The following ELOVL7 variants were observed in gnomAD, a reference collection of about 807,000 sequenced individuals.
ELOVL7 encodes the protein very long chain fatty acid elongase 7.
In ELOVL7, 27 loss-of-function variants were observed where a neutral mutation model predicts 35.7. That is an observed-to-expected ratio of 0.76 (90% CI 0.56 to 1.04). The LOEUF (loss-of-function observed/expected upper bound fraction) is 1.04, where lower values mean the gene tolerates loss of function less well. Among genes scored for constraint, ELOVL7 ranks in the 50% least tolerant of loss-of-function variants. ELOVL7 has a pLI of 0.00. For synonymous variants in ELOVL7, 113 were observed against 114.6 expected (o/e 0.99, Z 0.09); for missense variants, 327 against 340.8 (o/e 0.96, Z 0.32).
At chr5:60,807,563 T>C (rs1391394894) in intron 1 of ELOVL7, among the ~76,000 whole-genome samples, 1 of 144,488 alleles carries the variant, frequency 6.9e-6, no homozygotes, top group African/African-American at 2.6e-5. Flanking sequence ...ACTTTACAAA[T>C]AAACTGTGGG....
In ELOVL7 at chr5:60,819,416, C is replaced by T. The variant is rs527369072; in HGVS notation, c.-85-20186G>A. ...TATCTCGGTTCCCATTCCCATCTGA[C>T]ACTGGGCAAATTCAGTCTCCTTTTG... On this transcript the variant is annotated intron_variant, in intron 1 of 8. Transcript: ENST00000508821. Among the ~76,000 whole-genome samples the T allele has an allele frequency of 2.0e-5, 3 of 152,090 alleles. No individual in the cohort carries two copies. The South Asian group carries it at 6.2e-4, about 32-fold the overall frequency.
In ELOVL7 at chr5:60,842,516, GCAGGGGGA is replaced by G. The variant is rs145591786; in HGVS notation, c.-86+1636_-86+1643del. On this transcript the variant is annotated intron_variant, in intron 1 of 8. Transcript: ENST00000508821. ...TTTCTTAAAAAAAAAAAAAGCGGGG[GCAGGGGGA>G]GGGTGTGGGGATCCTAAACTAGTAT... is the stretch of plus-strand genomic sequence containing the variant. Among the ~76,000 whole-genome samples the G allele has an allele frequency of 5.7e-3, 860 of 151,584 alleles. 20 individuals carry two copies. The South Asian group carries it at 0.074, about 13-fold the overall frequency.
Position 60,754,680 on chromosome 5 carries a change from C to T in ELOVL7, c.790G>A (p.Gly264Ser). 6.2e-7 allele frequency: 1 copy of T among 1,614,042 alleles called. No individual in the cohort carries two copies. Among genetic ancestry groups the T allele is most frequent in the South Asian group, 1.1e-5 (1 of 91,074 alleles). The stretch of plus-strand genomic sequence containing the variant: ...TTCACAGTTTTGGGCAACCTCTGAC[C>T]TTTGGTGTAAGCACGGTACCAAAAA... ...LHFWYRAYTK[G>S]QRLPKTVKNG... Residue 264 changes from glycine (G) to serine (S), a missense_variant, in exon 9 of 9, where the codon GGT becomes AGT. Gly to Ser is a moderately conservative substitution (Grantham distance 56, BLOSUM62 0). Transcript: ENST00000508821.
At chr5:60,757,427 T>C in intron 8 of ELOVL7, 82 bp downstream of exon 8, 1 of 1,403,382 alleles carries the variant, frequency 7.1e-7, no homozygotes, top group South Asian at 1.4e-5. Flanking sequence ...TTCTTCTTTA[T>C]TTAACCAGTA....
chr5:60,790,073 G>T (rs1474555637), intron 2 of ELOVL7, among the ~76,000 whole-genome samples: 2 of 152,030 alleles, frequency 1.3e-5, no homozygotes, highest in Non-Finnish European at 2.9e-5. Context: ...GGAGGCAGAG[G>T]TTGCAGTGAG....
rs542545367 is a variant in ELOVL7, at chr5:60,804,619, G to A, written c.-85-5389C>T. Reference sequence around the variant, plus strand: ...AGAAGTGATAAGTACCCCAAAGGCAGTTTAATTCTTGTTTGTAATTTAAGT... The same window carrying A: ...AGAAGTGATAAGTACCCCAAAGGCAATTTAATTCTTGTTTGTAATTTAAGT... On this transcript the variant is annotated intron_variant, in intron 1 of 8. Coordinates refer to ENST00000508821, the MANE Select transcript of ELOVL7 (RefSeq NM_024930.3). Among the ~76,000 whole-genome samples the A allele has an allele frequency of 2.6e-5, 4 of 152,324 alleles. No individual in the cohort carries two copies. The East Asian group carries it at 7.7e-4, about 29-fold the overall frequency.
At chr5:60,791,073 C>T (rs12519587) in intron 2 of ELOVL7, among the ~76,000 whole-genome samples, 54,477 of 151,980 alleles carry the variant, frequency 0.36, 12,006 homozygotes, top group East Asian at 0.85. Flanking sequence ...ACTGCCCAGG[C>T]TCAAGTGATC....
chr5:60,790,571 T>G (rs542303075), intron 2 of ELOVL7, among the ~76,000 whole-genome samples: 2 of 152,344 alleles, frequency 1.3e-5, no homozygotes, highest in South Asian at 4.1e-4. Context: ...TCTTCTCAGC[T>G]GAGTTCAGAC....
At chr5:60,809,517 A>G (rs1435935760) in intron 1 of ELOVL7, among the ~76,000 whole-genome samples, 1 of 152,260 alleles carries the variant, frequency 6.6e-6, no homozygotes, top group Non-Finnish European at 1.5e-5. Flanking sequence ...ACTCAGCTCA[A>G]CTGACTTCTG....
intron 2 of ELOVL7, among the ~76,000 whole-genome samples, chr5:60,788,929 A>G (rs560835018): frequency 5.9e-5 from 9 of 152,360 alleles, no homozygotes; most frequent in Non-Finnish European, 1.2e-4. Flanking sequence ...GGCATCTCCA[A>G]TGATTGGGCA....
intron 1 of ELOVL7, among the ~76,000 whole-genome samples, chr5:60,831,452 C>T (rs1434431188): frequency 2.0e-5 from 3 of 152,134 alleles, no homozygotes; most frequent in Admixed American, 6.6e-5. Context: ...GTTTATGGAC[C>T]TTCTGAAGTC....
At chr5:60,784,298 T>A in intron 3 of ELOVL7, 1 of 468,152 alleles carries the variant, frequency 2.1e-6, no homozygotes, top group Admixed American at 3.2e-5. Context: ...ATACTCCATC[T>A]TCTTGCAAAA....
intron 1 of ELOVL7, among the ~76,000 whole-genome samples, chr5:60,819,434 TC>T (rs1745756671): frequency 6.6e-6 from 1 of 152,096 alleles, no homozygotes; most frequent in Non-Finnish European, 1.5e-5. Context: ...AAATTCAGTC[TC>T]CTTTTGCTTC....
intron 4 of ELOVL7, 106 bp downstream of exon 4, chr5:60,771,797 T>C (rs1742605834): frequency 2.4e-6 from 2 of 838,678 alleles, no homozygotes; most frequent in Non-Finnish European, 3.6e-6. Context: ...ATCAGTTTCT[T>C]AATTCCTTAA....
At chr5:60,769,331 C>T (rs1323598933) in intron 4 of ELOVL7, among the ~76,000 whole-genome samples, 1 of 152,192 alleles carries the variant, frequency 6.6e-6, no homozygotes, top group African/African-American at 2.4e-5. Flanking sequence ...GAGCTATTTA[C>T]TGGAATTGTG....
intron 1 of ELOVL7, among the ~76,000 whole-genome samples, chr5:60,824,769 T>A (rs950577555): frequency 6.6e-6 from 1 of 152,220 alleles, no homozygotes; most frequent in African/African-American, 2.4e-5. Flanking sequence ...TTTGTCCCTC[T>A]TTAATGTCTT....
chr5:60,757,320 G>A (rs1032340714), intron 8 of ELOVL7, among the ~76,000 whole-genome samples, 189 bp downstream of exon 8: 1 of 152,100 alleles, frequency 6.6e-6, no homozygotes, highest in East Asian at 1.9e-4. Context: ...TTGTTTAACT[G>A]TCTGAGCCTC....
At chr5:60,813,439 A>G (rs148642337) in intron 1 of ELOVL7, among the ~76,000 whole-genome samples, 1 of 152,230 alleles carries the variant, frequency 6.6e-6, no homozygotes, top group East Asian at 1.9e-4. Context: ...TACCACTTTC[A>G]TCACCTTTTC....
At chr5:60,808,107 C>G (rs1745048606) in intron 1 of ELOVL7, among the ~76,000 whole-genome samples, 1 of 136,332 alleles carries the variant, frequency 7.3e-6, no homozygotes, top group Non-Finnish European at 1.6e-5. Context: ...AAATCAGAAA[C>G]AGCCAGAAAC....
Sources: gnomAD v4.1 joint callset for allele counts (sites outside exome capture counted in the v4.1 genomes callset) on GRCh38, gnomAD v4.1.1 for gene constraint, MANE v1.5 for transcripts, NCBI Gene and HGNC (gene_info 2026-07-23, HGNC 2026-07-21) for gene names.